COL5A2: variants seen among roughly 807,000 people sequenced by gnomAD.
COL5A2 encodes the protein collagen alpha-2(V) chain.
Under a neutral mutation model 208.2 loss-of-function variants are expected in COL5A2, and 23 were observed. The observed-to-expected ratio is 0.11, with a 90% confidence interval of 0.08 to 0.16. COL5A2 has a LOEUF of 0.16. Among genes scored for constraint, COL5A2 ranks in the 10% least tolerant of loss-of-function variants. COL5A2 has a pLI of 1.00. For missense variants in COL5A2, 1,590 were observed against 1,956.4 expected, an observed-to-expected ratio of 0.81 and a Z score of 3.53; for synonymous variants, 625 against 628.5, an observed-to-expected ratio of 0.99 and a Z score of 0.08.
the COL5A2 span, among the ~76,000 whole-genome samples, chr2:189,404,798 T>C: frequency 1.3e-5 from 2 of 152,240 alleles, no homozygotes; most frequent in Admixed American, 6.5e-5. Flanking sequence ...CTAGCTAGTA[T>C]CCTACTTACC....
At chr2:189,191,011 G>A (rs538177289) in intron 1 of COL5A2, among the ~76,000 whole-genome samples, 28 of 152,070 alleles carry the variant, frequency 1.8e-4, no homozygotes, top group Non-Finnish European at 2.9e-4. Context: ...GGAGAACAGC[G>A]TATGATAAAA....
At chr2:189,094,284 A>T (rs1046787381) in intron 6 of COL5A2, among the ~76,000 whole-genome samples, 1 of 152,156 alleles carries the variant, frequency 6.6e-6, no homozygotes, top group African/African-American at 2.4e-5. Flanking sequence ...AGTGAACACA[A>T]GAATGTTTAC....
At chr2:189,220,552 A>C (rs1306821421) in intron 1 of COL5A2, among the ~76,000 whole-genome samples, 2 of 152,278 alleles carry the variant, frequency 1.3e-5, no homozygotes, top group Middle Eastern at 3.4e-3. Context: ...TATAAAAAGA[A>C]AATTTTTAGT....
chr2:189,230,778 T>C, the COL5A2 span, among the ~76,000 whole-genome samples: 1 of 152,006 alleles, frequency 6.6e-6, no homozygotes, highest in East Asian at 1.9e-4. Flanking sequence ...TGAAAACCAG[T>C]ATAAAGATTC....
the COL5A2 span, among the ~76,000 whole-genome samples, chr2:189,304,054 C>T: frequency 6.6e-6 from 1 of 152,136 alleles, no homozygotes; most frequent in Non-Finnish European, 1.5e-5. Context: ...TTTTCTGTAT[C>T]TCAAAATTTT....
the COL5A2 span, among the ~76,000 whole-genome samples, chr2:189,349,323 TAA>T: frequency 6.6e-6 from 1 of 152,088 alleles, no homozygotes; most frequent in Admixed American, 6.6e-5. Flanking sequence ...TGCTGAAAAT[TAA>T]AAGTGACAAA....
chr2:189,190,374 A>G (rs932596092), intron 1 of COL5A2, among the ~76,000 whole-genome samples: 2 of 152,212 alleles, frequency 1.3e-5, no homozygotes, highest in Admixed American at 1.3e-4. Flanking sequence ...CTTCACTTCC[A>G]TAATTTTGGA....
the COL5A2 span, chr2:189,311,522 TG>T: frequency 8.6e-7 from 1 of 1,165,266 alleles, no homozygotes; most frequent in Non-Finnish European, 1.2e-6. Context: ...TGACTCCAGG[TG>T]CAGCAGGATC....
chr2:189,270,890 T>C, the COL5A2 span, among the ~76,000 whole-genome samples: 2 of 151,980 alleles, frequency 1.3e-5, no homozygotes, highest in African/African-American at 4.8e-5. Context: ...AAATCATGAG[T>C]GAACTCTCAT....
At chr2:189,322,291 T>C in the COL5A2 span, among the ~76,000 whole-genome samples, 7 of 152,014 alleles carry the variant, frequency 4.6e-5, no homozygotes, top group Non-Finnish European at 7.4e-5. Flanking sequence ...AGCAAACACA[T>C]TCAAAAGCTA....
the COL5A2 span, among the ~76,000 whole-genome samples, chr2:189,421,082 C>T: frequency 1.6e-4 from 25 of 152,068 alleles, no homozygotes; most frequent in African/African-American, 5.8e-4. Flanking sequence ...GCTCACTAAT[C>T]CAGGAATAAT....
intron 1 of COL5A2, among the ~76,000 whole-genome samples, chr2:189,204,467 G>A (rs1689119439): frequency 6.6e-6 from 1 of 152,140 alleles, no homozygotes; most frequent in South Asian, 2.1e-4. Flanking sequence ...TTCTAAACTA[G>A]GAGTTCATGT....
At chr2:189,158,786 C>G (rs981092952) in intron 1 of COL5A2, among the ~76,000 whole-genome samples, 3 of 152,144 alleles carry the variant, frequency 2.0e-5, no homozygotes, top group African/African-American at 4.8e-5. Context: ...TCCAACTTTT[C>G]CCCTTCCCTG....
the COL5A2 span, among the ~76,000 whole-genome samples, chr2:189,354,957 C>T: frequency 3.9e-5 from 6 of 152,146 alleles, no homozygotes; most frequent in Non-Finnish European, 7.4e-5. Context: ...TTAAATGTGT[C>T]CCAGAGATTC....
chr2:189,192,279 A>T (rs973163175), intron 1 of COL5A2, among the ~76,000 whole-genome samples: 3 of 151,882 alleles, frequency 2.0e-5, no homozygotes, highest in Admixed American at 6.6e-5. Flanking sequence ...ATTTTAAGTT[A>T]AAAAAAAGGA....
At chr2:189,207,288 T>C (rs1377527582) in intron 1 of COL5A2, among the ~76,000 whole-genome samples, 5 of 152,216 alleles carry the variant, frequency 3.3e-5, no homozygotes. Flanking sequence ...CTAATCCTTT[T>C]TTTTAACTTT....
At chr2:189,394,825 T>C in the COL5A2 span, among the ~76,000 whole-genome samples, 2 of 152,354 alleles carry the variant, frequency 1.3e-5, no homozygotes, top group East Asian at 3.9e-4. Flanking sequence ...TTCTATCTAA[T>C]TGAAATGTGG....
Position 189,053,487 on chromosome 2 carries a change from G to T in COL5A2, c.2500-10C>A. On this transcript the variant is annotated splice_polypyrimidine_tract_variant and intron_variant, in intron 37 of 53. Transcript: ENST00000374866. ...TTTCACCTCGAGAACCCTAGGAGGAGACAAAGATTACTGTAGCTTTCACAC... is the reference window on the plus strand; with the variant it reads ...TTTCACCTCGAGAACCCTAGGAGGATACAAAGATTACTGTAGCTTTCACAC... 1 of 1,612,518 alleles carries T rather than the reference G, an allele frequency of 6.2e-7. No individual in the cohort carries two copies.
chr2:189,244,786 T>C, the COL5A2 span, among the ~76,000 whole-genome samples: 1 of 152,290 alleles, frequency 6.6e-6, no homozygotes, highest in Admixed American at 6.5e-5. Context: ...CGCACCACTC[T>C]ACTGGTACCA....
Sources: allele counts gnomAD v4.1 joint callset (sites outside exome capture counted in the v4.1 genomes callset), GRCh38; gene constraint gnomAD v4.1.1; transcripts MANE v1.5; gene names NCBI Gene and HGNC (gene_info 2026-07-23, HGNC 2026-07-21).